The following GALNT8 variants were observed in gnomAD, a reference collection of about 807,000 sequenced individuals.
The protein encoded by GALNT8 is polypeptide N-acetylgalactosaminyltransferase 8.
Under a neutral mutation model 62.7 loss-of-function variants are expected in GALNT8, and 66 were observed. The ratio of observed to expected loss-of-function variants is 1.05; its 90% confidence interval spans 0.86 to 1.29. The LOEUF (loss-of-function observed/expected upper bound fraction) is 1.29, where lower values mean the gene tolerates loss of function less well. Among genes scored for constraint, GALNT8 ranks in the 50% most tolerant of loss-of-function variants. GALNT8 has a pLI of 0.00. For missense variants in GALNT8, 771 were observed against 791.8 expected, an observed-to-expected ratio of 0.97 and a Z score of 0.32; for synonymous variants, 288 against 294.3, an observed-to-expected ratio of 0.98 and a Z score of 0.22.
intron 3 of GALNT8, among the ~76,000 whole-genome samples, chr12:4,739,877 C>T (rs2137528183): frequency 6.6e-6 from 1 of 152,078 alleles, no homozygotes; most frequent in East Asian, 1.9e-4. Context: ...CCATGTTAGC[C>T]ATGATGGTCT....
At chr12:4,722,417 A>G (rs1232861117) in intron 1 of GALNT8, among the ~76,000 whole-genome samples, 3 of 152,204 alleles carry the variant, frequency 2.0e-5, no homozygotes, top group African/African-American at 7.2e-5. Flanking sequence ...GATGATAACA[A>G]TAGTGATAGT....
chr12:4,745,416 A>G lies in GALNT8; in HGVS notation c.861-13A>G, dbSNP rs765203778. 5 of 1,574,304 alleles carry G rather than the reference A, an allele frequency of 3.2e-6. No homozygotes were observed. Among genetic ancestry groups the G allele is most frequent in the Non-Finnish European group, 3.5e-6 (4 of 1,143,846 alleles). ...CATATCCAAGCTGGGCTTTCTGCAC[A>G]CTCTTGTTCTAGGGCAGAGCCAATC... On this transcript the variant is annotated splice_polypyrimidine_tract_variant and intron_variant, in intron 4 of 10. Coordinates refer to ENST00000252318, the MANE Select transcript of GALNT8 (RefSeq NM_017417.2).
At chr12:4,758,619 T>C (rs1014898280) in intron 6 of GALNT8, among the ~76,000 whole-genome samples, 946 of 90,346 alleles carry the variant, frequency 0.01, 11 homozygotes, top group African/African-American at 0.033. Flanking sequence ...TGTGTGTGTG[T>C]GTGTGTGTGT....
intron 3 of GALNT8, 87 bp downstream of exon 3, chr12:4,739,416 G>C: frequency 9.9e-7 from 1 of 1,005,200 alleles, no homozygotes; most frequent in Non-Finnish European, 1.5e-6. Context: ...TAGAGTTTAG[G>C]ACACCTTGGG....
chr12:4,764,044 A>C lies in GALNT8; in HGVS notation c.1590A>C (p.Ser530=). The C allele has an allele frequency of 6.5e-7, 1 of 1,531,906 alleles. No homozygotes were observed. The highest frequency in any genetic ancestry group is 9.1e-7 in the Non-Finnish European group (1 of 1,104,406). The allele number at this position is 1,531,906 out of a possible 1,614,324, so 94.9% of individuals were successfully genotyped here. A position where few individuals can be genotyped will look rare whatever the true frequency, so the allele number is the denominator to read the frequency against. ...PIMYYCHEFS[S]QNVYYHLTGE... ...TGTATTACTGCCATGAATTCAGCTC[A>C]CAGGTATCTTCCACAATCTTCCTGG... Residue 530 remains serine, a synonymous_variant, in exon 9 of 11, where the codon TCA becomes TCC. Coordinates refer to ENST00000252318, the MANE Select transcript of GALNT8 (RefSeq NM_017417.2).
chr12:4,743,251 C>T (rs1055953520), intron 3 of GALNT8, among the ~76,000 whole-genome samples: 3 of 152,164 alleles, frequency 2.0e-5, no homozygotes, highest in Non-Finnish European at 2.9e-5. Flanking sequence ...GGTTCAGTGG[C>T]GCCTCCTGTG....
chr12:4,765,319 T>C, intron 9 of GALNT8, 60 bp from the exon 10 acceptor site: 1 of 1,435,740 alleles, frequency 7.0e-7, no homozygotes, highest in Middle Eastern at 2.6e-4. Flanking sequence ...TAGGGTCTCC[T>C]GCTGGCTGAC....
In GALNT8 at chr12:4,760,981, C is replaced by G. The variant is rs767214354; in HGVS notation, c.1197C>G (p.Val399=). Reference sequence around the variant, plus strand: ...AGGTGTGGCAGTGTGGAGGGAAGGTCGAGATTTTGCCCTGTTCCCGGATTG... The same window carrying G: ...AGGTGTGGCAGTGTGGAGGGAAGGTGGAGATTTTGCCCTGTTCCCGGATTG... ...SLRVWQCGGK[V]EILPCSRIAH... is the part of the protein sequence containing the mutation. Residue 399 remains valine, a synonymous_variant, in exon 7 of 11, where the codon GTC becomes GTG. Transcript: ENST00000252318. 7 of 1,613,776 alleles carry G rather than the reference C, an allele frequency of 4.3e-6. No homozygotes were observed. The Admixed American group carries it at 8.3e-5, about 19-fold the overall frequency.
Position 4,726,840 on chromosome 12 carries a change from C to G in GALNT8, c.509+11C>G. The G allele has an allele frequency of 6.2e-7, 1 of 1,601,102 alleles. No individual in the cohort carries two copies. The highest frequency in any genetic ancestry group is 1.1e-5 in the South Asian group (1 of 88,922). On this transcript the variant is annotated intron_variant, in intron 2 of 10. Transcript: ENST00000252318. The surrounding 1 kb of genome is among the most constrained non-coding windows in gnomAD (Gnocchi z 4.1). Reference sequence around the variant, plus strand: ...CACGCGAGACTACAGGTGGGATGAACCAGGCTTGGGCTTCTAGGGTCCTCA... The same window carrying G: ...CACGCGAGACTACAGGTGGGATGAAGCAGGCTTGGGCTTCTAGGGTCCTCA...
At chr12:4,758,559 C>T (rs7132150) in intron 6 of GALNT8, among the ~76,000 whole-genome samples, 118,701 of 150,418 alleles carry the variant, frequency 0.79, 47,030 homozygotes, top group Non-Finnish European at 0.82. Flanking sequence ...GTTAGGACAG[C>T]ATATGGCACA....
intron 1 of GALNT8, among the ~76,000 whole-genome samples, chr12:4,723,305 G>A (rs1208395726): frequency 6.6e-6 from 1 of 152,176 alleles, no homozygotes; most frequent in Admixed American, 6.5e-5. Context: ...AAGATCATCA[G>A]CTCCACAAGC....
intron 2 of GALNT8, among the ~76,000 whole-genome samples, chr12:4,735,305 A>G (rs1224706407): frequency 5.3e-5 from 8 of 152,202 alleles, no homozygotes; most frequent in Admixed American, 1.3e-4. Context: ...TCTACTAAAT[A>G]TCCTTCAGAA....
intron 6 of GALNT8, among the ~76,000 whole-genome samples, chr12:4,748,967 T>G (rs1946311838): frequency 6.6e-6 from 1 of 152,156 alleles, no homozygotes; most frequent in African/African-American, 2.4e-5. Context: ...TAATTTTATT[T>G]GTGGTGATTG....
At chr12:4,724,904 T>A (rs958800655) in intron 1 of GALNT8, among the ~76,000 whole-genome samples, 1 of 152,202 alleles carries the variant, frequency 6.6e-6, no homozygotes, top group Admixed American at 6.5e-5. Context: ...CACGTTCTGC[T>A]TGCCAAGCCA....
intron 3 of GALNT8, among the ~76,000 whole-genome samples, chr12:4,743,668 T>C (rs967005870): frequency 2.0e-5 from 3 of 152,200 alleles, no homozygotes; most frequent in African/African-American, 4.8e-5. Context: ...TTACTAGATA[T>C]GTGACTTGGA....
intron 1 of GALNT8, among the ~76,000 whole-genome samples, chr12:4,723,902 G>A (rs1459304332): frequency 6.6e-6 from 1 of 151,948 alleles, no homozygotes; most frequent in Admixed American, 6.6e-5. Flanking sequence ...TGTAATCCTA[G>A]CACTTTGGAA....
intron 10 of GALNT8, 134 bp downstream of exon 10, chr12:4,765,680 T>C: frequency 1.6e-6 from 1 of 632,620 alleles, no homozygotes; most frequent in South Asian, 2.2e-5. Flanking sequence ...AAAAGAGATT[T>C]GGGTTGGCTG....
chr12:4,766,020 C>G (rs1946398421), intron 10 of GALNT8, among the ~76,000 whole-genome samples: 1 of 152,236 alleles, frequency 6.6e-6, no homozygotes, highest in Non-Finnish European at 1.5e-5. Context: ...ATCCGCCCGA[C>G]TCAGCCTCCC....
At position 4,746,099 on chromosome 12, in the gene GALNT8, C is replaced by T. The variant is rs367799554; in HGVS notation, c.1059-45C>T. 2.3e-5 allele frequency: 26 copies of T among 1,138,908 alleles called. 1 individual carries two copies. Among genetic ancestry groups the T allele is most frequent in the African/African-American group, 2.3e-4 (15 of 65,904 alleles). The allele number at this position is 1,138,908 out of a possible 1,614,324, so 70.6% of individuals were successfully genotyped here. Reference sequence around the variant, plus strand: ...CATTGAGCATCCCACCCCTCGCCTCCGCTCCTTATGGAGAGATTAGTGACT... The same window carrying T: ...CATTGAGCATCCCACCCCTCGCCTCTGCTCCTTATGGAGAGATTAGTGACT... On this transcript the variant is annotated intron_variant, in intron 5 of 10. Coordinates refer to ENST00000252318, the MANE Select transcript of GALNT8 (RefSeq NM_017417.2).
Sources: gnomAD v4.1 joint callset for allele counts (sites outside exome capture counted in the v4.1 genomes callset) on GRCh38, gnomAD v4.1.1 for gene constraint, Gnocchi (gnomAD v3.1) non-coding constraint, MANE v1.5 for transcripts, NCBI Gene and HGNC (gene_info 2026-07-23, HGNC 2026-07-21) for gene names.